SLC52A3: variants seen among roughly 807,000 people sequenced by gnomAD.
SLC52A3 encodes solute carrier family 52 member 3, also known as solute carrier family 52, riboflavin transporter, member 3.
In SLC52A3, 20 loss-of-function variants were observed where a neutral mutation model predicts 29.5. The ratio of observed to expected loss-of-function variants is 0.68; its 90% CI spans 0.48 to 0.99. SLC52A3 has a LOEUF of 0.99. SLC52A3 is among the 50% of genes least tolerant of loss of function. SLC52A3 has a pLI of 0.00. For missense variants in SLC52A3, 548 were observed against 612.9 expected (o/e 0.89, Z 1.12); for synonymous variants, 301 against 271.0 (o/e 1.11, Z -1.09).
At chr20:766,199 T>C in intron 1 of SLC52A3, 1 of 98,796 alleles carries the variant, frequency 1.0e-5, no homozygotes. Context: ...CCTCCCAAAG[T>C]GCTGGGATTA....
rs1050152325 is a variant in SLC52A3, at chr20:761,518, C to A, written c.1197+183G>T. 14 of 881,554 alleles carry A rather than the reference C, an allele frequency of 1.6e-5. No homozygotes were observed. In the African/African-American group the frequency reaches 2.2e-4, roughly 14 times the overall value. 54.6% of individuals were successfully genotyped at this position (881,554 alleles called of 1,614,324 possible). A position where few individuals can be genotyped will look rare whatever the true frequency, so the allele number is the denominator to read the frequency against. On this transcript the variant is annotated intron_variant, in intron 4 of 4. Coordinates refer to ENST00000645534, the MANE Select transcript of SLC52A3 (RefSeq NM_033409.4). ...GTACACATGGTGGGAAGAGGCCTAC[C>A]AGTCACCTCGATTCCCTAAGCCTCC...
intron 3 of SLC52A3, 138 bp downstream of exon 3, chr20:763,360 G>A: frequency 9.0e-7 from 1 of 1,111,934 alleles, no homozygotes; most frequent in African/African-American, 1.5e-5. Context: ...AGGTGGCAGA[G>A]CTGGGATTTG....
chr20:761,355 C>T, intron 4 of SLC52A3, 117 bp from the exon 5 acceptor site: 4 of 1,202,610 alleles, frequency 3.3e-6, no homozygotes, highest in Non-Finnish European at 4.5e-6. Flanking sequence ...GTGCGAGGAG[C>T]GCCTTCTGGG....
rs750886042 is a variant in SLC52A3, at chr20:767,903, A to G, written c.-52+394T>C. 3.3e-5 allele frequency among the ~76,000 whole-genome samples: 5 copies of G among 152,098 alleles called. No homozygotes were observed. Among genetic ancestry groups the G allele is most frequent in the Non-Finnish European group, 7.4e-5 (5 of 68,022 alleles). On this transcript the variant is annotated intron_variant, in intron 1 of 4. Transcript: ENST00000645534. ...GTGCTGTTACTAACAACTTTCTTCT[A>G]TCTATCCTTAGTCTGAGCAGTAATA...
upstream of SLC52A3, among the ~76,000 whole-genome samples, chr20:772,204 C>T (rs768996995): frequency 9.9e-5 from 15 of 152,210 alleles, no homozygotes; most frequent in South Asian, 4.1e-4. Context: ...AAGCTCTGAA[C>T]GCCTAAATCC....
At chr20:761,423 T>A (rs1986474279) in intron 4 of SLC52A3, 185 bp from the exon 5 acceptor site, 1 of 775,296 alleles carries the variant, frequency 1.3e-6, no homozygotes. Context: ...CGAAGGAGAA[T>A]CCAGTGGCTT....
rs767166849 is a variant in SLC52A3 at position 763,488 on chromosome 20, G to A, written c.1073+10C>T. ...CCACTAGGATTCCCTAGGACCAGAT[G>A]AGGGCACACCTGTTAGGCAGGAACA... On this transcript the variant is annotated intron_variant, in intron 3 of 4. Coordinates refer to ENST00000645534, the MANE Select transcript of SLC52A3 (RefSeq NM_033409.4). The A allele has an allele frequency of 8.7e-6, 14 of 1,613,762 alleles. No homozygotes were observed. The highest frequency in any genetic ancestry group is 1.2e-5 in the Non-Finnish European group (14 of 1,179,924).
chr20:770,973 A>G (rs1319251239), upstream of SLC52A3, among the ~76,000 whole-genome samples: 5 of 152,234 alleles, frequency 3.3e-5, no homozygotes, highest in Admixed American at 2.6e-4. The surrounding 1 kb of genome is among the most constrained non-coding windows in gnomAD (Gnocchi z 4.5). Flanking sequence ...GGTTAGATGC[A>G]TACTAGGCTC....
intron 1 of SLC52A3, among the ~76,000 whole-genome samples, chr20:775,428 C>A (rs1385648292): frequency 6.6e-6 from 1 of 152,086 alleles, no homozygotes; most frequent in East Asian, 1.9e-4. Flanking sequence ...CCCATGCCAC[C>A]ACGTCCGACC....
At position 761,612 on chromosome 20, in the gene SLC52A3, G is replaced by A. The variant is rs746432629; in HGVS notation, c.1197+89C>T. The A allele has an allele frequency of 5.1e-6, 8 of 1,573,488 alleles. No individual in the cohort carries two copies. The Admixed American group carries it at 1.1e-4, about 22-fold the overall frequency. On this transcript the variant is annotated intron_variant, in intron 4 of 4. Coordinates refer to ENST00000645534, the MANE Select transcript of SLC52A3 (RefSeq NM_033409.4). ...CGGGAGGGTCCCACAGACCCCGCTC[G>A]CTGGAAAGGGCCGCGCCCAAGCTCT...
upstream of SLC52A3, among the ~76,000 whole-genome samples, chr20:771,117 T>A (rs566061994): frequency 6.6e-6 from 1 of 152,360 alleles, no homozygotes; most frequent in East Asian, 1.9e-4. Context: ...TCTTATTTTA[T>A]GTACAACAAA....
chr20:772,016 G>T (rs999393635), upstream of SLC52A3, among the ~76,000 whole-genome samples: 2 of 152,160 alleles, frequency 1.3e-5, no homozygotes, highest in African/African-American at 2.4e-5. Flanking sequence ...GTAGTTAAGG[G>T]GAGTAGGCGA....
At chr20:778,729 C>CTTT (rs375771938), upstream of SLC52A3, among the ~76,000 whole-genome samples, 1 of 142,020 alleles carries the variant, frequency 7.0e-6, no homozygotes, top group Non-Finnish European at 1.5e-5. Flanking sequence ...CTTTCTTCTT[C>CTTT]TTTTTTTTTT....
chr20:762,217 C>T (rs553925685), intron 3 of SLC52A3, among the ~76,000 whole-genome samples: 1 of 152,194 alleles, frequency 6.6e-6, no homozygotes, highest in African/African-American at 2.4e-5. Flanking sequence ...TGTTTACCTG[C>T]TGGCATTTCC....
At chr20:778,647 C>T (rs1302406939), upstream of SLC52A3, among the ~76,000 whole-genome samples, 2 of 152,012 alleles carry the variant, frequency 1.3e-5, no homozygotes, top group African/African-American at 4.8e-5. Context: ...AATTGCAGGA[C>T]TCTAAATTTA....
intron 1 of SLC52A3, among the ~76,000 whole-genome samples, chr20:773,730 G>A (rs1054311063): frequency 8.5e-5 from 13 of 152,282 alleles, no homozygotes; most frequent in African/African-American, 2.4e-4. Context: ...ATGCGTGGGC[G>A]ACAGATAGAG....
At chr20:761,279 T>G (rs1599955937) in intron 4 of SLC52A3, 41 bp from the exon 5 acceptor site, 1 of 1,518,654 alleles carries the variant, frequency 6.6e-7, no homozygotes, top group Non-Finnish European at 8.9e-7. Context: ...TCACGGGGCT[T>G]GCGGGGCGAG....
chr20:761,200 G>T lies in SLC52A3; in HGVS notation c.1236C>A (p.Tyr412Ter). The change falls in exon 5 of 5, where the codon TAC becomes TAA. Residue 412 changes from tyrosine (Y) to a stop codon, truncating the protein, a stop_gained. Transcript: ENST00000645534. LOFTEE classifies it high-confidence loss of function. The stretch of plus-strand genomic sequence containing the variant: ...GGACCACGCCCAGCATCACCTTGAC[G>T]TAACTGAGGCAGCCGCTGAAAAGCA... The part of the protein sequence containing the change: ...SWVLFSGCLS[Y>*]VKVMLGVVLR... 1 of 1,562,726 alleles carries T rather than the reference G, an allele frequency of 6.4e-7. No homozygotes were observed. Among genetic ancestry groups the T allele is most frequent in the Non-Finnish European group, 8.7e-7 (1 of 1,154,800 alleles).
chr20:761,864 T>C (rs371831638), intron 3 of SLC52A3, 40 bp from the exon 4 acceptor site: 240 of 1,613,622 alleles, frequency 1.5e-4, no homozygotes, highest in Middle Eastern at 1.2e-3. Context: ...GTGAGAAGCC[T>C]GACCTCTGAC....
Sources: allele counts gnomAD v4.1 joint callset (sites outside exome capture counted in the v4.1 genomes callset), GRCh38; gene constraint gnomAD v4.1.1; non-coding constraint Gnocchi (gnomAD v3.1); transcripts MANE v1.5; gene names NCBI Gene and HGNC (gene_info 2026-07-23, HGNC 2026-07-21).